GAS7: variants seen among roughly 807,000 people sequenced by gnomAD.
The protein encoded by GAS7 is growth arrest specific 7.
A neutral mutation model predicts 71.1 loss-of-function variants in GAS7; 28 were observed. The observed-to-expected ratio is 0.39, with a 90% CI of 0.29 to 0.54. GAS7 has a LOEUF of 0.54. GAS7 is among the 20% of genes least tolerant of loss of function. The probability of loss-of-function intolerance (pLI) is 0.62; values close to 1 mark genes in which losing one functional copy is unlikely to be tolerated. For synonymous variants in GAS7, 258 were observed against 245.8 expected, an observed-to-expected ratio of 1.05 and a Z score of -0.46; for missense variants, 436 against 627.8, an observed-to-expected ratio of 0.69 and a Z score of 3.27.
At chr17:10,062,493 A>C (rs28537852) in intron 1 of GAS7, among the ~76,000 whole-genome samples, 18,195 of 152,152 alleles carry the variant, frequency 0.12, 1,301 homozygotes, top group East Asian at 0.19. Flanking sequence ...TCAAAAATAA[A>C]ATAAAATAGA....
chr17:9,960,748 C>T lies in GAS7; in HGVS notation c.472-1493G>A, dbSNP rs1053799499. On this transcript the variant is annotated intron_variant, in intron 4 of 13. Coordinates refer to ENST00000432992, the MANE Select transcript of GAS7 (RefSeq NM_201433.2). Reference sequence around the variant, plus strand: ...TATGCCCCTGCTAAGGTCGCATACCCTTACTCCCATACAGTCTTACTTGGG... The same window carrying T: ...TATGCCCCTGCTAAGGTCGCATACCTTTACTCCCATACAGTCTTACTTGGG... Among the ~76,000 whole-genome samples, 8 of 152,332 alleles carry T rather than the reference C, an allele frequency of 5.3e-5. 1 individual carries two copies. The East Asian group carries it at 1.4e-3, about 26-fold the overall frequency.
intron 1 of GAS7, among the ~76,000 whole-genome samples, chr17:10,081,379 C>T (rs1200188223): frequency 5.3e-5 from 8 of 152,188 alleles, no homozygotes; most frequent in African/African-American, 1.9e-4. Flanking sequence ...TGGTCTCGAA[C>T]TCCTGACCTT....
intron 2 of GAS7, among the ~76,000 whole-genome samples, chr17:10,011,917 G>A (rs1426653527): frequency 5.3e-5 from 8 of 151,260 alleles, no homozygotes; most frequent in Non-Finnish European, 1.2e-4. Flanking sequence ...TGGAGGTTGT[G>A]TGGGCCGAGA....
rs534420068 is a variant in GAS7 at position 10,137,128 on chromosome 17, G to A, written c.183+61080C>T. On this transcript the variant is annotated intron_variant, in intron 1 of 13. Coordinates refer to ENST00000432992, the MANE Select transcript of GAS7 (RefSeq NM_201433.2). Reference sequence around the variant, plus strand: ...GACCCAGCTTAAAAAGAAAAAAAGAGAGAGAGAGAGACCGCAAATACTCTC... The same window carrying A: ...GACCCAGCTTAAAAAGAAAAAAAGAAAGAGAGAGAGACCGCAAATACTCTC... 8.6e-5 allele frequency among the ~76,000 whole-genome samples: 13 copies of A among 151,030 alleles called. No homozygotes were observed. In the South Asian group the frequency reaches 2.7e-3, roughly 32 times the overall value.
intron 1 of GAS7, among the ~76,000 whole-genome samples, chr17:10,038,896 T>C: frequency 6.6e-6 from 1 of 151,900 alleles, no homozygotes; most frequent in East Asian, 1.9e-4. Context: ...TATGCAACCA[T>C]GTGGATGGAC....
chr17:10,181,293 G>A (rs1449387213), intron 1 of GAS7, among the ~76,000 whole-genome samples: 1 of 151,642 alleles, frequency 6.6e-6, no homozygotes, highest in Non-Finnish European at 1.5e-5. Flanking sequence ...CCAGGAGGTG[G>A]AGATTGCAGT....
intron 2 of GAS7, among the ~76,000 whole-genome samples, chr17:10,004,041 G>A (rs1012451627): frequency 6.6e-6 from 1 of 152,196 alleles, no homozygotes; most frequent in African/African-American, 2.4e-5. Context: ...TGAGCTCGTA[G>A]GAGTGGCAAC....
chr17:9,919,369 C>T lies in GAS7; in HGVS notation c.1218+257G>A, dbSNP rs1159188832. 3.3e-5 allele frequency among the ~76,000 whole-genome samples: 5 copies of T among 152,162 alleles called. No individual in the cohort carries two copies. The highest frequency in any genetic ancestry group is 7.4e-5 in the Non-Finnish European group (5 of 68,014). On this transcript the variant is annotated intron_variant, in intron 12 of 13. Coordinates refer to ENST00000432992, the MANE Select transcript of GAS7 (RefSeq NM_201433.2). The surrounding 1 kb of genome is among the most constrained non-coding windows in gnomAD (Gnocchi z 5.0). ...GAGTCCTCAGTTGACCCTGACCTCT[C>T]AGGGGACAGCCCAAGAAGGATGTAG...
At chr17:10,065,951 T>C (rs1597768652) in intron 1 of GAS7, among the ~76,000 whole-genome samples, 1 of 152,132 alleles carries the variant, frequency 6.6e-6, no homozygotes, top group East Asian at 1.9e-4. Context: ...CCAGGGAGGT[T>C]CAGCAGGATT....
chr17:9,972,412 T>C (rs1321009249), intron 3 of GAS7, among the ~76,000 whole-genome samples: 1 of 152,212 alleles, frequency 6.6e-6, no homozygotes, highest in African/African-American at 2.4e-5. Flanking sequence ...TCAAATAGCA[T>C]AGAACTATCT....
chr17:9,995,090 C>G (rs1014850181), intron 2 of GAS7, among the ~76,000 whole-genome samples: 4 of 152,232 alleles, frequency 2.6e-5, no homozygotes, highest in Admixed American at 1.3e-4. Context: ...GGGGGGCTCA[C>G]AGTATCGTCT....
At chr17:10,053,805 T>C (rs144065297) in intron 1 of GAS7, among the ~76,000 whole-genome samples, 5 of 152,236 alleles carry the variant, frequency 3.3e-5, no homozygotes, top group African/African-American at 2.4e-5. Context: ...CTCTCCCCCA[T>C]GGGTCTTAAA....
At chr17:10,000,361 C>T (rs2071222210) in intron 2 of GAS7, among the ~76,000 whole-genome samples, 1 of 152,172 alleles carries the variant, frequency 6.6e-6, no homozygotes. Context: ...GCACCAGGTG[C>T]TACCTTTATC....
chr17:9,947,604 C>T lies in GAS7; in HGVS notation c.526-621G>A, dbSNP rs144980925. On this transcript the variant is annotated intron_variant, in intron 5 of 13. Transcript: ENST00000432992. ...TACTAAAAATACAAAATTAGCTGGG[C>T]GTAGTGGCGCATGCGTGTAATCCCA... Among the ~76,000 whole-genome samples the T allele has an allele frequency of 8.3e-3, 1,265 of 151,964 alleles. 14 individuals are homozygous for T. Among genetic ancestry groups the T allele is most frequent in the African/African-American group, 0.029 (1,185 of 41,436 alleles).
chr17:10,033,684 T>G (rs1427167448), intron 1 of GAS7, among the ~76,000 whole-genome samples: 1 of 152,192 alleles, frequency 6.6e-6, no homozygotes, highest in African/African-American at 2.4e-5. Flanking sequence ...GAAGGCAGAC[T>G]GAAGCTCATT....
intron 1 of GAS7, among the ~76,000 whole-genome samples, chr17:10,089,929 A>T (rs1281494235): frequency 1.3e-5 from 2 of 152,136 alleles, no homozygotes. Context: ...GCACTTTGGG[A>T]GGCCAAGGCA....
chr17:10,014,546 G>A (rs893946487), intron 2 of GAS7, among the ~76,000 whole-genome samples: 8 of 152,000 alleles, frequency 5.3e-5, no homozygotes, highest in African/African-American at 1.2e-4. Context: ...AAACACATCC[G>A]CTGTTTTTCT....
chr17:9,996,846 G>T (rs11652658), intron 2 of GAS7, among the ~76,000 whole-genome samples: 1 of 151,426 alleles, frequency 6.6e-6, no homozygotes, highest in South Asian at 2.1e-4. Flanking sequence ...CTCCATGTTG[G>T]CCAGGCTGGT....
intron 1 of GAS7, among the ~76,000 whole-genome samples, chr17:10,182,230 A>T (rs34614188): frequency 0.18 from 27,070 of 151,840 alleles, 2,715 homozygotes; most frequent in Middle Eastern, 0.24. Context: ...CACGATCTCG[A>T]CTCACTGCAA....
Sources: allele counts gnomAD v4.1 joint callset (sites outside exome capture counted in the v4.1 genomes callset), GRCh38; gene constraint gnomAD v4.1.1; non-coding constraint Gnocchi (gnomAD v3.1); transcripts MANE v1.5; gene names NCBI Gene and HGNC (gene_info 2026-07-23, HGNC 2026-07-21).